The following TDRD9 variants were observed in gnomAD, a reference collection of about 807,000 sequenced individuals.
TDRD9 encodes ATP-dependent RNA helicase TDRD9.
A neutral mutation model predicts 172.6 loss-of-function variants in TDRD9; 124 were observed. The observed-to-expected ratio is 0.72, with a 90% CI of 0.62 to 0.83. TDRD9 has a LOEUF of 0.83. Ranked by LOEUF, TDRD9 falls within the 40% of genes least tolerant of loss-of-function variation. The pLI, the probability that TDRD9 is intolerant of heterozygous loss-of-function variation, is 0.00. For missense variants in TDRD9, 1,479 were observed against 1,714.1 expected (o/e 0.86, Z 2.42); for synonymous variants, 619 against 617.1 (o/e 1.00, Z -0.05).
At chr14:103,947,422 G>A (rs1375172665) in intron 1 of TDRD9, among the ~76,000 whole-genome samples, 1 of 151,846 alleles carries the variant, frequency 6.6e-6, no homozygotes, top group African/African-American at 2.4e-5. Context: ...CTGTCCCCCA[G>A]GTTCATGCCA....
At position 104,006,720 on chromosome 14, in the gene TDRD9, T is replaced by C; in HGVS notation, c.1943+11T>C. 1 of 1,613,898 alleles carries C rather than the reference T, an allele frequency of 6.2e-7. No individual in the cohort carries two copies. The highest frequency in any genetic ancestry group is 2.2e-5 in the East Asian group (1 of 44,870). Reference sequence around the variant, plus strand: ...TCTCGATGGATATAGGTACTGAACATTCATATTTTAAAGTGTCACTGTATT... The same window carrying C: ...TCTCGATGGATATAGGTACTGAACACTCATATTTTAAAGTGTCACTGTATT... On this transcript the variant is annotated intron_variant, in intron 17 of 35. Transcript: ENST00000409874.
intron 21 of TDRD9, among the ~76,000 whole-genome samples, chr14:104,015,399 C>T (rs1595988828): frequency 6.6e-6 from 1 of 152,090 alleles, no homozygotes; most frequent in African/African-American, 2.4e-5. Context: ...GCCTATAAAC[C>T]GGGTGTGCTG....
chr14:103,960,651 A>G (rs531671788), intron 2 of TDRD9, among the ~76,000 whole-genome samples: 30 of 152,054 alleles, frequency 2.0e-4, no homozygotes, highest in African/African-American at 7.2e-4. Context: ...TTGGCAGTGT[A>G]CGCGGAGGCA....
At chr14:103,966,310 G>A (rs1415851673) in intron 4 of TDRD9, among the ~76,000 whole-genome samples, 1 of 152,184 alleles carries the variant, frequency 6.6e-6, no homozygotes, top group African/African-American at 2.4e-5. Flanking sequence ...CAACTTGGGT[G>A]ACAAAGTGAG....
In TDRD9 at chr14:103,928,490, C is replaced by G. The variant is rs1166998911; in HGVS notation, c.-20C>G. On this transcript the variant is annotated 5_prime_UTR_variant, in exon 1 of 36. Coordinates refer to ENST00000409874, the MANE Select transcript of TDRD9 (RefSeq NM_153046.3). ...GCGGAGACCCGGCAGTTGGGGGATG[C>G]CGACGCCTGGGCCTTGAGGATGCTG... 1 of 1,430,916 alleles carries G rather than the reference C, an allele frequency of 7.0e-7. No homozygotes were observed. The highest frequency in any genetic ancestry group is 1.9e-4 in the Middle Eastern group (1 of 5,178). 88.6% of individuals were successfully genotyped at this position (1,430,916 alleles called of 1,614,324 possible).
chr14:103,948,543 C>G lies in TDRD9; in HGVS notation c.216-7121C>G, dbSNP rs144004425. ...AGACCTTGAAGAGATGTTTGTACAC[C>G]TGTGTTCATAACATCATTATTCACA... On this transcript the variant is annotated intron_variant, in intron 1 of 35. Coordinates refer to ENST00000409874, the MANE Select transcript of TDRD9 (RefSeq NM_153046.3). Among the ~76,000 whole-genome samples the G allele has an allele frequency of 8.1e-4, 124 of 152,226 alleles. No homozygotes were observed. In the East Asian group the frequency reaches 0.023, roughly 28 times the overall value.
rs1327686010 is a variant in TDRD9 at position 103,983,985 on chromosome 14, A to G, written c.1012-2232A>G. On this transcript the variant is annotated intron_variant, in intron 7 of 35. Coordinates refer to ENST00000409874, the MANE Select transcript of TDRD9 (RefSeq NM_153046.3). ...GGTGACTCTTGTTATGTTTTAGCAA[A>G]GAGACTGGTGGCATTTTGCCCTGCC... 2.6e-5 allele frequency among the ~76,000 whole-genome samples: 4 copies of G among 152,196 alleles called. No homozygotes were observed. In the East Asian group the frequency reaches 5.8e-4, roughly 22 times the overall value.
At chr14:103,998,261 C>T (rs568247169) in intron 12 of TDRD9, among the ~76,000 whole-genome samples, 10 of 150,076 alleles carry the variant, frequency 6.7e-5, no homozygotes, top group African/African-American at 1.2e-4. Flanking sequence ...CACACACAGA[C>T]GCGGGATTTG....
chr14:103,991,842 C>T (rs1566765417), intron 9 of TDRD9, among the ~76,000 whole-genome samples: 1 of 151,622 alleles, frequency 6.6e-6, no homozygotes, highest in Non-Finnish European at 1.5e-5. Context: ...ACTGCAACCT[C>T]TGCCTCCTGG....
intron 20 of TDRD9, among the ~76,000 whole-genome samples, chr14:104,012,609 A>C (rs949197448): frequency 1.3e-5 from 2 of 151,550 alleles, no homozygotes; most frequent in Non-Finnish European, 2.9e-5. Flanking sequence ...TAATATTTTC[A>C]GTCTTTCTAA....
In TDRD9 at chr14:103,970,572, T is replaced by C; in HGVS notation, c.797T>C (p.Leu266Pro). Residue 266 changes from leucine to proline, a missense_variant, in exon 6 of 36, where the codon CTG (leucine) becomes CCG (proline). By Grantham distance (98) the Leu-to-Pro change is moderately conservative (BLOSUM62 -3). This residue lies in a region of TDRD9 where 1,413 missense variants were observed against 1,649.1 expected (regional missense o/e 0.86). Coordinates refer to ENST00000409874, the MANE Select transcript of TDRD9 (RefSeq NM_153046.3). ...VHERTEEMDF[L>P]LLVVRKLLRT... ...GAACGAACAGAAGAAATGGATTTCCTGCTATTGGTAGTCCGCAAACTCTTA... is the reference window on the plus strand; with the variant it reads ...GAACGAACAGAAGAAATGGATTTCCCGCTATTGGTAGTCCGCAAACTCTTA... 6.4e-7 allele frequency: 1 copy of C among 1,551,776 alleles called. No individual in the cohort carries two copies. The highest frequency in any genetic ancestry group is 1.7e-4 in the Middle Eastern group (1 of 5,992).
intron 1 of TDRD9, among the ~76,000 whole-genome samples, chr14:103,946,651 C>G (rs1216760405): frequency 6.6e-6 from 1 of 152,214 alleles, no homozygotes; most frequent in Non-Finnish European, 1.5e-5. Context: ...GTAGAAACCC[C>G]TAAAGATTCC....
In TDRD9 at chr14:104,052,102, C is replaced by G. The variant is rs1460313951; in HGVS notation, c.*20C>G. On this transcript the variant is annotated 3_prime_UTR_variant, in exon 36 of 36. Coordinates refer to ENST00000409874, the MANE Select transcript of TDRD9 (RefSeq NM_153046.3). ...ACCTGAGCATGTCCACAGGTGGCCTCCAGCACACCCCTCAGGAAGCTGTGG... is the reference window on the plus strand; with the variant it reads ...ACCTGAGCATGTCCACAGGTGGCCTGCAGCACACCCCTCAGGAAGCTGTGG... 5 of 1,527,648 alleles carry G rather than the reference C, an allele frequency of 3.3e-6. No individual in the cohort carries two copies. The African/African-American group carries it at 5.5e-5, about 17-fold the overall frequency. The allele number at this position is 1,527,648 out of a possible 1,614,324, so 94.6% of individuals were successfully genotyped here. A position where few individuals can be genotyped will look rare whatever the true frequency, so the allele number is the denominator to read the frequency against.
intron 32 of TDRD9, among the ~76,000 whole-genome samples, chr14:104,035,912 C>A (rs2035437919): frequency 6.6e-6 from 1 of 151,936 alleles, no homozygotes; most frequent in East Asian, 1.9e-4. Flanking sequence ...TGGAAGGGCC[C>A]CACCGTTTAC....
chr14:103,971,811 C>T (rs989298028), intron 6 of TDRD9, among the ~76,000 whole-genome samples: 4 of 152,062 alleles, frequency 2.6e-5, no homozygotes, highest in Non-Finnish European at 4.4e-5. Flanking sequence ...TAATGACATG[C>T]TGGGTTTTGA....
At chr14:103,969,813 C>CTGGGG (rs1469670676) in intron 5 of TDRD9, among the ~76,000 whole-genome samples, 3 of 75,518 alleles carry the variant, frequency 4.0e-5, no homozygotes, top group Non-Finnish European at 7.2e-5. Flanking sequence ...CTAGCTGGTT[C>CTGGGG]TGGGGTGGGG....
In TDRD9 at chr14:104,025,479, G is replaced by A. The variant is rs116152081; in HGVS notation, c.2719-85G>A. The A allele has an allele frequency of 4.0e-3, 3,989 of 995,766 alleles. 103 individuals carry two copies. The African/African-American group carries it at 0.056, about 14-fold the overall frequency. The allele number at this position is 995,766 out of a possible 1,614,324, so 61.7% of individuals were successfully genotyped here. ...CTGGTGAGGTGTCGTACAGCACAGG[G>A]TGTCAGCCCTATGATTCAAGCTCAT... On this transcript the variant is annotated intron_variant, in intron 25 of 35. Coordinates refer to ENST00000409874, the MANE Select transcript of TDRD9 (RefSeq NM_153046.3).
chr14:103,983,393 A>G (rs906845914), intron 7 of TDRD9, among the ~76,000 whole-genome samples: 5 of 151,946 alleles, frequency 3.3e-5, no homozygotes, highest in African/African-American at 1.2e-4. Flanking sequence ...TTATTTGGAA[A>G]CTAGCTGACT....
At position 104,025,581 on chromosome 14, in the gene TDRD9, CTT is replaced by C; in HGVS notation, c.2739_2740del (p.Phe913LeufsTer6). ...CTTTTTAGGTGGTTGAAGTGGGACA[CTT>C]TTGGGGATACAGGATTGATGAAAAC... ...DVTEVVEVGH[F>X]WGYRIDENNS... On this transcript the variant is annotated frameshift_variant, in exon 26 of 36. Coordinates refer to ENST00000409874, the MANE Select transcript of TDRD9 (RefSeq NM_153046.3). LOFTEE classifies it high-confidence loss of function. 6.2e-7 allele frequency: 1 copy of C among 1,613,908 alleles called. No individual in the cohort carries two copies. The highest frequency in any genetic ancestry group is 1.1e-5 in the South Asian group (1 of 91,080).
Sources: gnomAD v4.1 joint callset for allele counts (sites outside exome capture counted in the v4.1 genomes callset) on GRCh38, gnomAD v4.1.1 for gene constraint, gnomAD v4.1.1 regional missense constraint, MANE v1.5 for transcripts, NCBI Gene and HGNC (gene_info 2026-07-23, HGNC 2026-07-21) for gene names.